FAM162A: variants seen among roughly 807,000 people sequenced by gnomAD.
The protein encoded by FAM162A is protein FAM162A.
In FAM162A, 23 loss-of-function variants were observed where a neutral mutation model predicts 21.8. The observed-to-expected ratio is 1.05, with a 90% CI of 0.76 to 1.49. The LOEUF (loss-of-function observed/expected upper bound fraction) is 1.49. Among genes scored for constraint, FAM162A ranks in the 40% most tolerant of loss-of-function variants. The probability of loss-of-function intolerance (pLI) is 0.00; values close to 1 mark genes in which losing one functional copy is unlikely to be tolerated. For synonymous variants in FAM162A, 53 were observed against 61.3 expected, an observed-to-expected ratio of 0.86 and a Z score of 0.64; for missense variants, 165 against 186.4, an observed-to-expected ratio of 0.89 and a Z score of 0.67.
chr3:122,410,232 A>G lies in FAM162A; in HGVS notation c.*401A>G, dbSNP rs1356906025. On this transcript the variant is annotated 3_prime_UTR_variant, in exon 5 of 5. Coordinates refer to ENST00000477892, the MANE Select transcript of FAM162A (RefSeq NM_014367.4). ...GCAGCTTGGAGGGCCAGCCTTCTCA[A>G]ATGTCCTGGTGTACTGGTGGGGAGG... 1 of 319,566 alleles carries G rather than the reference A, an allele frequency of 3.1e-6. No individual in the cohort carries two copies. Among genetic ancestry groups the G allele is most frequent in the Non-Finnish European group, 6.1e-6 (1 of 164,736 alleles). 19.8% of individuals were successfully genotyped at this position (319,566 alleles called of 1,614,324 possible).
At chr3:122,388,093 A>C (rs1474426664) in intron 1 of FAM162A, among the ~76,000 whole-genome samples, 5 of 152,368 alleles carry the variant, frequency 3.3e-5, no homozygotes, top group African/African-American at 1.2e-4. Flanking sequence ...CTGGAAAATT[A>C]ACTCAGCAAC....
At chr3:122,408,986 C>G (rs550204474) in intron 4 of FAM162A, among the ~76,000 whole-genome samples, 10 of 152,132 alleles carry the variant, frequency 6.6e-5, no homozygotes, top group Non-Finnish European at 1.5e-4. Flanking sequence ...ATATTTTGCT[C>G]TCACCATCAA....
chr3:122,406,149 TC>T (rs1481559841), intron 3 of FAM162A, among the ~76,000 whole-genome samples: 1 of 152,190 alleles, frequency 6.6e-6, no homozygotes, highest in Non-Finnish European at 1.5e-5. Flanking sequence ...AGCACTTCAA[TC>T]CCATCATCTA....
intron 1 of FAM162A, among the ~76,000 whole-genome samples, chr3:122,389,393 A>AGATAGAGTAGTATAGATG (rs2075589366): frequency 8.6e-6 from 1 of 115,694 alleles, no homozygotes; most frequent in African/African-American, 3.2e-5. Context: ...ATAGATAGAT[A>AGATAGAGTAGTATAGATG]GATAGATAGA....
chr3:122,391,288 G>A (rs2075603286), intron 1 of FAM162A, among the ~76,000 whole-genome samples: 4 of 152,160 alleles, frequency 2.6e-5, no homozygotes, highest in Admixed American at 2.6e-4. Flanking sequence ...TGCCTCCAGG[G>A]CTCAAGCCAC....
intron 1 of FAM162A, among the ~76,000 whole-genome samples, chr3:122,398,090 T>C (rs1311961691): frequency 1.3e-5 from 2 of 152,236 alleles, no homozygotes; most frequent in Non-Finnish European, 2.9e-5. Context: ...ACATCACATG[T>C]GTAAAAATGC....
rs757287324 is a variant in FAM162A at position 122,410,896 on chromosome 3, G to A, written c.*1065G>A. The A allele has an allele frequency of 4.6e-5, 7 of 152,166 alleles. No homozygotes were observed. Among genetic ancestry groups the A allele is most frequent in the Non-Finnish European group, 7.3e-5 (5 of 68,034 alleles). The allele number at this position is 152,166 out of a possible 1,614,324, so 9.4% of individuals were successfully genotyped here. A position where few individuals can be genotyped will look rare whatever the true frequency, so the allele number is the denominator to read the frequency against. ...TGTATTCACACTGTATGTGCTAGCC[G>A]TCTCTGTTACGAGATCAGCTGTCGT... is the stretch of plus-strand genomic sequence containing the variant. On this transcript the variant is annotated 3_prime_UTR_variant, in exon 5 of 5. Coordinates refer to ENST00000477892, the MANE Select transcript of FAM162A (RefSeq NM_014367.4).
intron 3 of FAM162A, among the ~76,000 whole-genome samples, chr3:122,404,576 G>A (rs1163901589): frequency 6.6e-6 from 1 of 152,210 alleles, no homozygotes; most frequent in Non-Finnish European, 1.5e-5. Flanking sequence ...AGTGACTGGT[G>A]AAGAACTGTC....
At position 122,410,533 on chromosome 3, in the gene FAM162A, T is replaced by A. The variant is rs1045988649; in HGVS notation, c.*702T>A. Reference sequence around the variant, plus strand: ...CAATTATAAAAATCTCATGTATTATTACTGTTAGAAGTATTTGCACCTCAT... The same window carrying A: ...CAATTATAAAAATCTCATGTATTATAACTGTTAGAAGTATTTGCACCTCAT... On this transcript the variant is annotated 3_prime_UTR_variant, in exon 5 of 5. Transcript: ENST00000477892. The A allele has an allele frequency of 6.5e-6, 1 of 152,720 alleles. No homozygotes were observed. Among genetic ancestry groups the A allele is most frequent in the African/African-American group, 2.4e-5 (1 of 41,476 alleles). 9.5% of individuals were successfully genotyped at this position (152,720 alleles called of 1,614,324 possible).
chr3:122,406,373 C>T (rs1335414933), intron 3 of FAM162A, among the ~76,000 whole-genome samples: 1 of 152,194 alleles, frequency 6.6e-6, no homozygotes, highest in Admixed American at 6.5e-5. Flanking sequence ...GAGTCAGCAA[C>T]ATGGTGAGAC....
rs554784095 is a variant in FAM162A at position 122,389,778 on chromosome 3, T to C, written c.34+5479T>C. Among the ~76,000 whole-genome samples the C allele has an allele frequency of 2.7e-3, 409 of 152,364 alleles. 1 individual carries two copies. Among genetic ancestry groups the C allele is most frequent in the Non-Finnish European group, 4.1e-3 (279 of 68,036 alleles). On this transcript the variant is annotated intron_variant, in intron 1 of 4. Coordinates refer to ENST00000477892, the MANE Select transcript of FAM162A (RefSeq NM_014367.4). ...TGAAAAGAAATATTAATGCACCAAG[T>C]TGTTATCCCTAAGTGCTATGATTAT...
intron 1 of FAM162A, among the ~76,000 whole-genome samples, chr3:122,392,609 T>C (rs1191129413): frequency 6.6e-6 from 1 of 152,218 alleles, no homozygotes; most frequent in Non-Finnish European, 1.5e-5. Flanking sequence ...CCAGCCTCCA[T>C]TCCAGAACTG....
At chr3:122,393,502 GCA>G (rs2075613444) in intron 1 of FAM162A, among the ~76,000 whole-genome samples, 1 of 152,158 alleles carries the variant, frequency 6.6e-6, no homozygotes, top group Admixed American at 6.5e-5. Flanking sequence ...AGCCTTGCAG[GCA>G]CTGAAGAAGG....
intron 1 of FAM162A, among the ~76,000 whole-genome samples, chr3:122,389,979 AT>A (rs1240038480): frequency 1.3e-5 from 2 of 152,114 alleles, no homozygotes; most frequent in African/African-American, 4.8e-5. Context: ...TACAAAACAA[AT>A]TTTTTTAATT....
At chr3:122,390,677 T>C (rs2075599399) in intron 1 of FAM162A, among the ~76,000 whole-genome samples, 1 of 152,222 alleles carries the variant, frequency 6.6e-6, no homozygotes, top group Non-Finnish European at 1.5e-5. Context: ...GGGTCCCCCA[T>C]AGCAGAAGTT....
chr3:122,404,057 G>A (rs779150454), intron 2 of FAM162A, among the ~76,000 whole-genome samples: 22 of 152,188 alleles, frequency 1.4e-4, no homozygotes, highest in Middle Eastern at 6.8e-3. Context: ...GCTCCTCACC[G>A]TTTCCTTGGG....
intron 1 of FAM162A, among the ~76,000 whole-genome samples, chr3:122,400,325 AACACATGG>A (rs1339671588): frequency 1.3e-5 from 2 of 152,146 alleles, no homozygotes; most frequent in Non-Finnish European, 2.9e-5. Context: ...AAACAATGAG[AACACATGG>A]ACACAGGGAG....
rs1250929863 is a variant in FAM162A, at chr3:122,411,082, T to TG, written c.*1257dup. 2.6e-5 allele frequency: 4 copies of TG among 152,278 alleles called. No individual in the cohort carries two copies. Among genetic ancestry groups the TG allele is most frequent in the African/African-American group, 4.8e-5 (2 of 41,462 alleles). The allele number at this position is 152,278 out of a possible 1,614,324, so 9.4% of individuals were successfully genotyped here. On this transcript the variant is annotated 3_prime_UTR_variant, in exon 5 of 5. Coordinates refer to ENST00000477892, the MANE Select transcript of FAM162A (RefSeq NM_014367.4). ...ACTATCCACAGTTTCAGGCATCTAC[T>TG]GGGGGGTCTTGGAATATATCCCCAG...
chr3:122,411,015 G>T lies in FAM162A; in HGVS notation c.*1184G>T, dbSNP rs1235827123. The T allele has an allele frequency of 6.6e-6, 1 of 152,184 alleles. No homozygotes were observed. Among genetic ancestry groups the T allele is most frequent in the Non-Finnish European group, 1.5e-5 (1 of 68,046 alleles). The allele number at this position is 152,184 out of a possible 1,614,324, so 9.4% of individuals were successfully genotyped here. On this transcript the variant is annotated 3_prime_UTR_variant, in exon 5 of 5. Transcript: ENST00000477892. Reference sequence around the variant, plus strand: ...ATTTATAAAATAAACGGTATCATAGGTATGTATGTATACGAAAAACATAGT... The same window carrying T: ...ATTTATAAAATAAACGGTATCATAGTTATGTATGTATACGAAAAACATAGT...
Sources: allele counts gnomAD v4.1 joint callset (sites outside exome capture counted in the v4.1 genomes callset), GRCh38; gene constraint gnomAD v4.1.1; transcripts MANE v1.5; gene names NCBI Gene and HGNC (gene_info 2026-07-23, HGNC 2026-07-21).